TDRD12: variants seen among roughly 807,000 people sequenced by gnomAD.
TDRD12 encodes the protein tudor domain containing 12.
In TDRD12, 158 loss-of-function variants were observed where a neutral mutation model predicts 133.5. The observed-to-expected ratio is 1.18, with a 90% CI of 1.04 to 1.35. TDRD12 has a LOEUF of 1.35. TDRD12 is among the 40% of genes most tolerant of loss of function. The pLI, the probability that TDRD12 is intolerant of heterozygous loss-of-function variation, is 0.00. For synonymous variants in TDRD12, 460 were observed against 477.9 expected, an observed-to-expected ratio of 0.96 and a Z score of 0.49; for missense variants, 1,443 against 1,321.3, an observed-to-expected ratio of 1.09 and a Z score of -1.43.
intron 13 of TDRD12, 146 bp from the exon 14 acceptor site, chr19:32,794,482 G>A (rs1971165527): frequency 1.7e-6 from 1 of 597,134 alleles, no homozygotes; most frequent in Non-Finnish European, 3.0e-6. Flanking sequence ...ACTGAGAAAA[G>A]ATTTGGGGAA....
At chr19:32,744,685 G>C (rs1969547891) in intron 4 of TDRD12, among the ~76,000 whole-genome samples, 1 of 152,050 alleles carries the variant, frequency 6.6e-6, no homozygotes, top group South Asian at 2.1e-4. Context: ...CCTCTCGGGT[G>C]CGGGCGCCAT....
rs1970610224 is a variant in TDRD12, at chr19:32,777,270, A to G, written c.1121+41A>G. 6.0e-6 allele frequency: 7 copies of G among 1,168,872 alleles called. No individual in the cohort carries two copies. In the Admixed American group the frequency reaches 1.7e-4, roughly 29 times the overall value. The allele number at this position is 1,168,872 out of a possible 1,614,324, so 72.4% of individuals were successfully genotyped here. Reference sequence around the variant, plus strand: ...TTGGCCTGAATTGTGTATTGAAATAATTATAATAAAATTATAAACAAGAGA... The same window carrying G: ...TTGGCCTGAATTGTGTATTGAAATAGTTATAATAAAATTATAAACAAGAGA... On this transcript the variant is annotated intron_variant, in intron 11 of 27. Coordinates refer to ENST00000444215, the Ensembl canonical transcript of TDRD12.
At chr19:32,742,637 T>C in intron 3 of TDRD12, 144 bp from the exon 4 acceptor site, 1 of 909,650 alleles carries the variant, frequency 1.1e-6, no homozygotes. Context: ...CCAAGCACTG[T>C]TGGTGGCCAT....
At chr19:32,748,196 G>A (rs1431978476) in intron 4 of TDRD12, among the ~76,000 whole-genome samples, 3 of 152,116 alleles carry the variant, frequency 2.0e-5, no homozygotes, top group Non-Finnish European at 4.4e-5. Flanking sequence ...GGGGATGGTG[G>A]TGGTGTGACA....
chr19:32,758,452 C>A (rs757697145), intron 8 of TDRD12, among the ~76,000 whole-genome samples: 1 of 152,078 alleles, frequency 6.6e-6, no homozygotes, highest in Non-Finnish European at 1.5e-5. Context: ...AAATGCCAAA[C>A]GGAAAGACAG....
chr19:32,758,084 A>C (rs1330278865), intron 8 of TDRD12, among the ~76,000 whole-genome samples: 1 of 152,096 alleles, frequency 6.6e-6, no homozygotes, highest in African/African-American at 2.4e-5. Context: ...CACTCAGCCC[A>C]TCTGTGCTAT....
intron 2 of TDRD12, among the ~76,000 whole-genome samples, chr19:32,734,645 T>C (rs1297198959): frequency 6.6e-6 from 1 of 152,106 alleles, no homozygotes; most frequent in Non-Finnish European, 1.5e-5. Context: ...AACGCTGGGA[T>C]TACAGGCATG....
At chr19:32,781,687 T>TC (rs1970770922) in intron 11 of TDRD12, among the ~76,000 whole-genome samples, 1 of 148,292 alleles carries the variant, frequency 6.7e-6, no homozygotes, top group East Asian at 2.0e-4. Context: ...TCCTTTCCTT[T>TC]TCTCTCTCTC....
intron 21 of TDRD12, among the ~76,000 whole-genome samples, chr19:32,803,695 C>G (rs1971464755): frequency 6.6e-6 from 1 of 152,190 alleles, no homozygotes. Flanking sequence ...ATTTTCCGGT[C>G]TGGTCAGTAC....
chr19:32,781,126 G>A (rs932907359), intron 11 of TDRD12, among the ~76,000 whole-genome samples: 3 of 151,878 alleles, frequency 2.0e-5, no homozygotes, highest in Admixed American at 1.3e-4. Flanking sequence ...TGTATTTTTA[G>A]TAGAGACGGG....
intron 6 of TDRD12, among the ~76,000 whole-genome samples, chr19:32,754,178 C>A (rs895633284): frequency 6.6e-6 from 1 of 152,182 alleles, no homozygotes; most frequent in African/African-American, 2.4e-5. Context: ...GTAAAAATAC[C>A]AAAATCAGCC....
intron 6 of TDRD12, among the ~76,000 whole-genome samples, chr19:32,750,857 G>C (rs1367009155): frequency 6.6e-6 from 1 of 152,232 alleles, no homozygotes; most frequent in African/African-American, 2.4e-5. Flanking sequence ...TTGGCAAGAA[G>C]CCCACAGAAG....
At chr19:32,785,674 T>A (rs1166848338) in intron 11 of TDRD12, among the ~76,000 whole-genome samples, 1 of 152,194 alleles carries the variant, frequency 6.6e-6, no homozygotes, top group Non-Finnish European at 1.5e-5. Context: ...ACCTTTACTA[T>A]TATGTAATGG....
At chr19:32,756,895 A>G (rs1356982463) in intron 7 of TDRD12, 143 bp from the exon 8 acceptor site, 1 of 615,242 alleles carries the variant, frequency 1.6e-6, no homozygotes, top group Non-Finnish European at 2.9e-6. Flanking sequence ...TCCAGTTTTT[A>G]GTCCCCTCAC....
chr19:32,730,092 A>C (rs1969001185), intron 1 of TDRD12, among the ~76,000 whole-genome samples: 1 of 151,798 alleles, frequency 6.6e-6, no homozygotes, highest in Admixed American at 6.6e-5. Flanking sequence ...ACCCGGCTAA[A>C]ACTGCGTATT....
At chr19:32,817,958 G>C in intron 26 of TDRD12, 131 bp from the exon 27 acceptor site, 1 of 668,618 alleles carries the variant, frequency 1.5e-6, no homozygotes, top group Non-Finnish European at 2.7e-6. Flanking sequence ...TTTAGAAGCA[G>C]GCCTCTGTCT....
intron 21 of TDRD12, among the ~76,000 whole-genome samples, chr19:32,805,579 T>A (rs1191306664): frequency 6.6e-6 from 1 of 152,110 alleles, no homozygotes; most frequent in African/African-American, 2.4e-5. Context: ...TCTGTTACTT[T>A]GGCCTATTGG....
chr19:32,777,919 C>T (rs970618586), intron 11 of TDRD12, among the ~76,000 whole-genome samples: 4 of 123,934 alleles, frequency 3.2e-5, no homozygotes, highest in Non-Finnish European at 6.3e-5. Flanking sequence ...CTATGTTACC[C>T]AGGCTGGTCT....
At chr19:32,793,982 C>CG (rs34824704) in intron 13 of TDRD12, among the ~76,000 whole-genome samples, 58,204 of 149,724 alleles carry the variant, frequency 0.39, 11,533 homozygotes, top group East Asian at 0.49. Flanking sequence ...TTAGTAGAGA[C>CG]GGGGTTTCTG....
Sources: gnomAD v4.1 joint callset for allele counts (sites outside exome capture counted in the v4.1 genomes callset) on GRCh38, gnomAD v4.1.1 for gene constraint, MANE v1.5 for transcripts, NCBI Gene and HGNC (gene_info 2026-07-23, HGNC 2026-07-21) for gene names.